AHRR: variants seen among roughly 807,000 people sequenced by gnomAD.
AHRR encodes aryl hydrocarbon receptor repressor.
A neutral mutation model predicts 44.0 loss-of-function variants in AHRR; 28 were observed. That is an observed-to-expected ratio of 0.64 (90% CI 0.47 to 0.87). The LOEUF is 0.87. Ranked by LOEUF, AHRR falls within the 40% of genes least tolerant of loss-of-function variation. The probability of loss-of-function intolerance (pLI) is 0.00; values close to 1 mark genes in which losing one functional copy is unlikely to be tolerated. For missense variants in AHRR, 990 were observed against 953.9 expected (o/e 1.04, Z -0.50); for synonymous variants, 434 against 407.0 (o/e 1.07, Z -0.80).
Position 423,175 on chromosome 5 carries a change from C to T in AHRR, c.571+317C>T, listed in dbSNP as rs530454720. 4.8e-4 allele frequency among the ~76,000 whole-genome samples: 73 copies of T among 152,268 alleles called. No homozygotes were observed. The South Asian group carries it at 0.01, about 21-fold the overall frequency. On this transcript the variant is annotated intron_variant, in intron 6 of 10. Coordinates refer to ENST00000684583, the MANE Select transcript of AHRR (RefSeq NM_001377236.1). ...CCTGGCCTCTTGTTTTGCAAACTCC[C>T]CTCAAGTCTCACGTCTGCCAGGAAG...
At chr5:390,556 T>G (rs1734371195) in intron 4 of AHRR, among the ~76,000 whole-genome samples, 2 of 151,388 alleles carry the variant, frequency 1.3e-5, no homozygotes, top group African/African-American at 2.4e-5. Flanking sequence ...TTTCCATGAG[T>G]AAAGGAAAAA....
intron 4 of AHRR, among the ~76,000 whole-genome samples, chr5:381,316 G>A (rs1193070949): frequency 6.6e-6 from 1 of 152,066 alleles, no homozygotes; most frequent in East Asian, 1.9e-4. Flanking sequence ...GATTATAATT[G>A]TTGTCTGAGA....
intron 1 of AHRR, among the ~76,000 whole-genome samples, chr5:330,279 A>C (rs1397973710): frequency 6.6e-6 from 1 of 152,132 alleles, no homozygotes; most frequent in African/African-American, 2.4e-5. Flanking sequence ...ATTAATTTGC[A>C]TATGTTGAAC....
chr5:391,890 T>C (rs13155169), intron 4 of AHRR, among the ~76,000 whole-genome samples: 14 of 4,738 alleles, frequency 3.0e-3, no homozygotes, highest in African/African-American at 0.025. Flanking sequence ...GGGCGCAGGG[T>C]GAGGCAGGGC....
At chr5:322,525 G>A (rs911317523) in intron 1 of AHRR, 1 of 151,948 alleles carries the variant, frequency 6.6e-6, no homozygotes, top group Non-Finnish European at 1.5e-5. Flanking sequence ...CCTCCTGTGC[G>A]CGCGCACAGG....
At chr5:392,983 C>G (rs1734539399) in intron 4 of AHRR, among the ~76,000 whole-genome samples, 1 of 152,142 alleles carries the variant, frequency 6.6e-6, no homozygotes, top group South Asian at 2.1e-4. Context: ...GGCCCACCTA[C>G]TTCTTGTGAT....
chr5:405,282 A>G lies in AHRR; in HGVS notation c.352-8062A>G, dbSNP rs1391378283. On this transcript the variant is annotated intron_variant, in intron 4 of 10. Transcript: ENST00000684583. The surrounding 1 kb of genome is among the most constrained non-coding windows in gnomAD (Gnocchi z 4.5). The stretch of plus-strand genomic sequence containing the variant: ...TGAAAATGTACAAATACCATGGTTC[A>G]TGGTAGCTCCTCAGATGCTCCCGTG... Among the ~76,000 whole-genome samples the G allele has an allele frequency of 1.3e-5, 2 of 152,128 alleles. No individual in the cohort carries two copies. Among genetic ancestry groups the G allele is most frequent in the African/African-American group, 2.4e-5 (1 of 41,410 alleles).
At chr5:340,680 A>ATTTTTTTTTT (rs1742303476) in intron 1 of AHRR, among the ~76,000 whole-genome samples, 1 of 24,586 alleles carries the variant, frequency 4.1e-5, no homozygotes, top group Non-Finnish European at 7.4e-5. Flanking sequence ...ATATATATAT[A>ATTTTTTTTTT]TATATATATT....
chr5:340,520 G>C (rs1742291941), intron 1 of AHRR, among the ~76,000 whole-genome samples: 1 of 150,028 alleles, frequency 6.7e-6, no homozygotes, highest in African/African-American at 2.5e-5. Context: ...CTTTTTATAG[G>C]GCACCAGTTC....
intron 5 of AHRR, among the ~76,000 whole-genome samples, chr5:418,380 C>T (rs183116768): frequency 6.6e-6 from 1 of 152,352 alleles, no homozygotes; most frequent in East Asian, 1.9e-4. Context: ...GATTAAAACA[C>T]AGAACTTTGT....
chr5:415,485 CCTAGGGGCCGAGTCTCCCTGGTCGGG>C (rs1735720476), intron 5 of AHRR, among the ~76,000 whole-genome samples: 3 of 119,912 alleles, frequency 2.5e-5, no homozygotes, highest in African/African-American at 4.5e-5. Context: ...GGGTGGGAGG[CCTAGGGGCCGAGTCTCCCTGGTCGGG>C]TGGGAGGCCT....
chr5:379,982 A>C (rs1363943875), intron 4 of AHRR, among the ~76,000 whole-genome samples: 1 of 152,168 alleles, frequency 6.6e-6, no homozygotes, highest in Non-Finnish European at 1.5e-5. Flanking sequence ...CTGGTCTATG[A>C]TCCACTTTTT....
At chr5:346,198 C>T (rs1370588094) in intron 2 of AHRR, among the ~76,000 whole-genome samples, 2 of 152,186 alleles carry the variant, frequency 1.3e-5, no homozygotes, top group South Asian at 2.1e-4. Flanking sequence ...AGGGAGGAAA[C>T]ATAAATACGG....
At position 434,589 on chromosome 5, in the gene AHRR, G is replaced by C. The variant is rs556933679; in HGVS notation, c.1849G>C (p.Ala617Pro). Residue 617 changes from alanine (A) to proline (P), a missense_variant, in exon 11 of 11, where the codon GCC becomes CCC. Physicochemically the swap from Ala to Pro is conservative, Grantham distance 27. Transcript: ENST00000684583. ...ELTPFHPAHC[A>P]CLEPTDGLPQ... The stretch of plus-strand genomic sequence containing the variant: ...GACCCCTTTCCACCCTGCACACTGT[G>C]CCTGCCTGGAGCCCACAGACGGCCT... The C allele has an allele frequency of 1.9e-6, 3 of 1,573,910 alleles. No individual in the cohort carries two copies. In the South Asian group the frequency reaches 3.5e-5, roughly 18 times the overall value.
Position 342,611 on chromosome 5 carries a change from C to T in AHRR, c.-10-1282C>T, listed in dbSNP as rs940241287. On this transcript the variant is annotated intron_variant, in intron 1 of 10. Transcript: ENST00000684583. The surrounding 1 kb of genome is among the most constrained non-coding windows in gnomAD (Gnocchi z 4.3). ...CACTTTCCACACAAGGTGGATATTG[C>T]GTGAGTCTGCCTCCTCTTCCAGGCT... is the stretch of plus-strand genomic sequence containing the variant. Among the ~76,000 whole-genome samples, 1 of 152,202 alleles carries T rather than the reference C, an allele frequency of 6.6e-6. No homozygotes were observed. The highest frequency in any genetic ancestry group is 2.1e-4 in the South Asian group (1 of 4,826).
At chr5:367,500 G>A (rs1340065093) in intron 3 of AHRR, among the ~76,000 whole-genome samples, 1 of 152,262 alleles carries the variant, frequency 6.6e-6, no homozygotes, top group Non-Finnish European at 1.5e-5. Flanking sequence ...GGAGTGGGCA[G>A]CGGTGGCCGT....
At chr5:389,869 T>C (rs1433946910) in intron 4 of AHRR, among the ~76,000 whole-genome samples, 2 of 124,156 alleles carry the variant, frequency 1.6e-5, no homozygotes, top group African/African-American at 6.2e-5. Context: ...ATGCACAGAA[T>C]GAAGAAAAGA....
At chr5:369,340 A>C (rs1743483984) in intron 3 of AHRR, among the ~76,000 whole-genome samples, 1 of 152,150 alleles carries the variant, frequency 6.6e-6, no homozygotes, top group African/African-American at 2.4e-5. Flanking sequence ...GTTTTCTGGG[A>C]CACCTGAGGG....
intron 4 of AHRR, among the ~76,000 whole-genome samples, chr5:378,614 GT>G (rs1733845972): frequency 6.6e-6 from 1 of 152,236 alleles, no homozygotes; most frequent in Non-Finnish European, 1.5e-5. Context: ...GCACATCTTG[GT>G]GCAGGTGCTA....
Sources: gnomAD v4.1 joint callset for allele counts (sites outside exome capture counted in the v4.1 genomes callset) on GRCh38, gnomAD v4.1.1 for gene constraint, Gnocchi (gnomAD v3.1) non-coding constraint, MANE v1.5 for transcripts, NCBI Gene and HGNC (gene_info 2026-07-23, HGNC 2026-07-21) for gene names.